CNR1: variants seen among roughly 807,000 people sequenced by gnomAD.
CNR1 encodes the protein cannabinoid receptor 1 (brain).
In CNR1, 10 loss-of-function variants were observed where a neutral mutation model predicts 23.0. The ratio of observed to expected loss-of-function variants is 0.43; its 90% CI spans 0.27 to 0.74. The LOEUF (loss-of-function observed/expected upper bound fraction) is 0.74. Ranked by LOEUF, CNR1 falls within the 30% of genes least tolerant of loss-of-function variation. CNR1 has a pLI of 0.19. For missense variants in CNR1, 422 were observed against 618.8 expected, an observed-to-expected ratio of 0.68 and a Z score of 3.37; for synonymous variants, 271 against 255.2, an observed-to-expected ratio of 1.06 and a Z score of -0.59.
At chr6:88,148,781 AAC>A (rs974515665) in intron 1 of CNR1, among the ~76,000 whole-genome samples, 3 of 152,208 alleles carry the variant, frequency 2.0e-5, no homozygotes, top group Non-Finnish European at 4.4e-5. Flanking sequence ...CCAAATGGTG[AAC>A]AGAGAAAGAG....
chr6:88,155,431 C>G lies in CNR1; in HGVS notation c.-63-10094G>C, dbSNP rs555872727. Among the ~76,000 whole-genome samples, 15 of 152,280 alleles carry G rather than the reference C, an allele frequency of 9.9e-5. No individual in the cohort carries two copies. In the South Asian group the frequency reaches 3.1e-3, roughly 32 times the overall value. The stretch of plus-strand genomic sequence containing the variant: ...TATTACAATCTCTATTCCACACACT[C>G]AGAGAGAAAAATCCTTTACCCAAGG... On this transcript the variant is annotated intron_variant, in intron 1 of 1. Transcript: ENST00000369501.
At chr6:88,164,396 T>C (rs993515340) in intron 1 of CNR1, 3 of 152,388 alleles carry the variant, frequency 2.0e-5, no homozygotes, top group Admixed American at 6.5e-5. Context: ...TGCCCCACTA[T>C]GGTAACTGCC....
chr6:88,163,680 G>A (rs145586574), intron 1 of CNR1, among the ~76,000 whole-genome samples: 164 of 152,298 alleles, frequency 1.1e-3, no homozygotes, highest in Non-Finnish European at 2.0e-3. Flanking sequence ...TGGGAAAATA[G>A]GTAAACCGAA....
chr6:88,145,349 G>C lies in CNR1; in HGVS notation c.-63-12C>G. The C allele has an allele frequency of 2.5e-6, 3 of 1,210,582 alleles. No individual in the cohort carries two copies. The highest frequency in any genetic ancestry group is 3.5e-6 in the Non-Finnish European group (3 of 851,686). 75.0% of individuals were successfully genotyped at this position (1,210,582 alleles called of 1,614,324 possible). On this transcript the variant is annotated splice_polypyrimidine_tract_variant and intron_variant, in intron 1 of 1. Coordinates refer to ENST00000369501, the MANE Select transcript of CNR1 (RefSeq NM_016083.6). ...CACAGGGGGCAATCCTAAGAGGAGG[G>C]AAAACAAATAAGCCGAATGGTGAGA...
At chr6:88,151,052 T>C (rs922312612) in intron 1 of CNR1, among the ~76,000 whole-genome samples, 1 of 152,218 alleles carries the variant, frequency 6.6e-6, no homozygotes, top group Non-Finnish European at 1.5e-5. Flanking sequence ...AGAGAGCTTC[T>C]TATGGACTGG....
chr6:88,149,076 A>G (rs376665750), intron 1 of CNR1, among the ~76,000 whole-genome samples: 9 of 152,212 alleles, frequency 5.9e-5, no homozygotes, highest in Non-Finnish European at 1.2e-4. Context: ...GCTCTAAGGT[A>G]CAAGCCACAC....
At chr6:88,148,041 C>T (rs538143450) in intron 1 of CNR1, among the ~76,000 whole-genome samples, 1 of 152,322 alleles carries the variant, frequency 6.6e-6, no homozygotes, top group Non-Finnish European at 1.5e-5. Flanking sequence ...ATCTAGCTCC[C>T]GCCCACCTCT....
chr6:88,151,073 C>A (rs563166534), intron 1 of CNR1, among the ~76,000 whole-genome samples: 2 of 152,236 alleles, frequency 1.3e-5, no homozygotes, highest in South Asian at 4.2e-4. Flanking sequence ...TGACACTGAG[C>A]CTATTACATA....
At chr6:88,163,019 C>A (rs990556570) in intron 1 of CNR1, 12 of 152,202 alleles carry the variant, frequency 7.9e-5, no homozygotes, top group African/African-American at 2.9e-4. Context: ...GTTCTTTATG[C>A]AACTGAGCTA....
At position 88,139,897 on chromosome 6, in the gene CNR1, T is replaced by C. The variant is rs1265774888; in HGVS notation, c.*3959A>G. The C allele has an allele frequency of 6.6e-6, 1 of 152,364 alleles. No homozygotes were observed. The highest frequency in any genetic ancestry group is 1.5e-5 in the Non-Finnish European group (1 of 68,030). 9.4% of individuals were successfully genotyped at this position (152,364 alleles called of 1,614,324 possible). The stretch of plus-strand genomic sequence containing the variant: ...TCTTCATGGTAATCTAGAATTTTTA[T>C]TTGATTCCAGGTAACTTTGGACAAT... On this transcript the variant is annotated 3_prime_UTR_variant, in exon 2 of 2. Coordinates refer to ENST00000369501, the MANE Select transcript of CNR1 (RefSeq NM_016083.6).
At chr6:88,158,547 G>A (rs765230289) in intron 1 of CNR1, among the ~76,000 whole-genome samples, 6 of 152,084 alleles carry the variant, frequency 3.9e-5, no homozygotes, top group Admixed American at 6.5e-5. Context: ...GGGAACTTAC[G>A]AAAAACACAA....
intron 1 of CNR1, among the ~76,000 whole-genome samples, chr6:88,159,709 T>C (rs570492343): frequency 6.6e-6 from 1 of 152,360 alleles, no homozygotes; most frequent in Non-Finnish European, 1.5e-5. Context: ...TTCAGTTATA[T>C]GTTAAATTGT....
Position 88,150,105 on chromosome 6 carries a change from CCA to C in CNR1, c.-63-4770_-63-4769del, listed in dbSNP as rs575172317. Reference sequence around the variant, plus strand: ...ATGCAATAGACATTTAGCCTGAAAACCAGAGTTTGAGCCTCCATCTCCAAGTA... The same window carrying C: ...ATGCAATAGACATTTAGCCTGAAAACGAGTTTGAGCCTCCATCTCCAAGTA... On this transcript the variant is annotated intron_variant, in intron 1 of 1. Transcript: ENST00000369501. Among the ~76,000 whole-genome samples, 477 of 152,242 alleles carry C rather than the reference CCA, an allele frequency of 3.1e-3. 1 individual carries two copies. Among genetic ancestry groups the C allele is most frequent in the Admixed American group, 8.9e-3 (136 of 15,294 alleles).
chr6:88,160,648 T>A (rs1185908643), intron 1 of CNR1, among the ~76,000 whole-genome samples: 1 of 152,154 alleles, frequency 6.6e-6, no homozygotes, highest in East Asian at 1.9e-4. Context: ...TTGGCCAGGC[T>A]GGCCTCGAAC....
At position 88,166,266 on chromosome 6, in the gene CNR1, CGCCCGTCTCCGCCA is replaced by C; in HGVS notation, c.-541_-528del. The C allele has an allele frequency of 6.6e-6, 1 of 152,280 alleles. No homozygotes were observed. Among genetic ancestry groups the C allele is most frequent in the Non-Finnish European group, 1.5e-5 (1 of 68,164 alleles). The allele number at this position is 152,280 out of a possible 1,614,324, so 9.4% of individuals were successfully genotyped here. ...AGCCCCGCCTGGCCCGGCGTGGGGC[CGCCCGTCTCCGCCA>C]GCCCGGGCGCCCGTCGCCTCGTCCC... On this transcript the variant is annotated 5_prime_UTR_variant, in exon 1 of 2. Transcript: ENST00000369501.
rs1562520717 is a variant in CNR1, at chr6:88,165,635, CAG to C, written c.-64+166_-64+167del. 3.9e-5 allele frequency among the ~76,000 whole-genome samples: 6 copies of C among 152,326 alleles called. No homozygotes were observed. In the East Asian group the frequency reaches 1.2e-3, roughly 29 times the overall value. On this transcript the variant is annotated intron_variant, in intron 1 of 1. Transcript: ENST00000369501. ...ATGGTAGAAATCTCCAGAAGTAGAA[CAG>C]ATCACAGTTAACAGGCTGGGGCCAT...
chr6:88,144,759 G>A lies in CNR1; in HGVS notation c.516C>T (p.Tyr172=), dbSNP rs780413917. Residue 172 remains tyrosine (Y), a synonymous_variant, in exon 2 of 2, where the codon TAC becomes TAT. Coordinates refer to ENST00000369501, the MANE Select transcript of CNR1 (RefSeq NM_016083.6). The surrounding 1 kb of genome is among the most constrained non-coding windows in gnomAD (Gnocchi z 7.8). ...GGAACACGTGGAAGTCAATGAAGCTGTAGACAAAAATGACACTCCCCAGGA... is the reference window on the plus strand; with the variant it reads ...GGAACACGTGGAAGTCAATGAAGCTATAGACAAAAATGACACTCCCCAGGA... ...ADLLGSVIFV[Y]SFIDFHVFHR... 9 of 1,614,208 alleles carry A rather than the reference G, an allele frequency of 5.6e-6. No homozygotes were observed. Among genetic ancestry groups the A allele is most frequent in the Admixed American group, 1.7e-5 (1 of 60,028 alleles).
At position 88,142,158 on chromosome 6, in the gene CNR1, A is replaced by C. The variant is rs2127821842; in HGVS notation, c.*1698T>G. 1.3e-5 allele frequency: 2 copies of C among 152,476 alleles called. 1 individual carries two copies. Among genetic ancestry groups the C allele is most frequent in the South Asian group, 4.1e-4 (2 of 4,828 alleles). The allele number at this position is 152,476 out of a possible 1,614,324, so 9.4% of individuals were successfully genotyped here. On this transcript the variant is annotated 3_prime_UTR_variant, in exon 2 of 2. Coordinates refer to ENST00000369501, the MANE Select transcript of CNR1 (RefSeq NM_016083.6). Reference sequence around the variant, plus strand: ...CCTTAGCCCAAACCTACCAAGACAGAGCTGGGTGCTCAGCTGTCACCAAGG... The same window carrying C: ...CCTTAGCCCAAACCTACCAAGACAGCGCTGGGTGCTCAGCTGTCACCAAGG...
intron 1 of CNR1, among the ~76,000 whole-genome samples, chr6:88,146,391 C>T (rs1777187221): frequency 6.6e-6 from 1 of 152,190 alleles, no homozygotes; most frequent in Non-Finnish European, 1.5e-5. Context: ...CAGGTGTGAG[C>T]CACTGTGCCC....
Sources: gnomAD v4.1 joint callset for allele counts (sites outside exome capture counted in the v4.1 genomes callset) on GRCh38, gnomAD v4.1.1 for gene constraint, Gnocchi (gnomAD v3.1) non-coding constraint, MANE v1.5 for transcripts, NCBI Gene and HGNC (gene_info 2026-07-23, HGNC 2026-07-21) for gene names.